The following ATL2 variants were observed in gnomAD, a reference collection of about 807,000 sequenced individuals.
ATL2 encodes atlastin GTPase 2.
A neutral mutation model predicts 73.9 loss-of-function variants in ATL2; 31 were observed. The observed-to-expected ratio is 0.42, with a 90% confidence interval of 0.32 to 0.57. ATL2 has a LOEUF of 0.57. Among genes scored for constraint, ATL2 ranks in the 20% least tolerant of loss-of-function variants. ATL2 has a pLI of 0.14. For synonymous variants in ATL2, 291 were observed against 237.5 expected, an observed-to-expected ratio of 1.23 and a Z score of -2.07; for missense variants, 738 against 702.6, an observed-to-expected ratio of 1.05 and a Z score of -0.57.
intron 1 of ATL2, among the ~76,000 whole-genome samples, chr2:38,364,672 G>A (rs950304132): frequency 6.6e-5 from 10 of 152,168 alleles, no homozygotes; most frequent in Admixed American, 2.0e-4. Flanking sequence ...TGTAGCACAC[G>A]GATCAAGAAT....
At chr2:38,362,854 C>G (rs1399127511) in intron 1 of ATL2, among the ~76,000 whole-genome samples, 1 of 152,178 alleles carries the variant, frequency 6.6e-6, no homozygotes, top group African/African-American at 2.4e-5. Context: ...CAGGAGTTGT[C>G]ATTGAAGACA....
At chr2:38,339,921 C>T (rs1205772710) in intron 2 of ATL2, among the ~76,000 whole-genome samples, 3 of 152,108 alleles carry the variant, frequency 2.0e-5, no homozygotes, top group Non-Finnish European at 4.4e-5. Flanking sequence ...GAACTCCTGA[C>T]CTCAGGTGAT....
intron 10 of ATL2, 114 bp downstream of exon 10, chr2:38,300,158 G>A (rs2148402856): frequency 2.2e-6 from 2 of 907,702 alleles, no homozygotes; most frequent in East Asian, 2.5e-5. Context: ...AGCAAAATGT[G>A]TTTGCATGCA....
intron 1 of ATL2, among the ~76,000 whole-genome samples, chr2:38,354,414 T>C (rs906166388): frequency 6.6e-6 from 1 of 152,094 alleles, no homozygotes; most frequent in Non-Finnish European, 1.5e-5. Flanking sequence ...TATGTAGAAG[T>C]ACAAAATTTT....
chr2:38,371,925 A>G (rs573401036), intron 1 of ATL2, among the ~76,000 whole-genome samples: 3 of 152,010 alleles, frequency 2.0e-5, no homozygotes, highest in Non-Finnish European at 4.4e-5. Flanking sequence ...AAAATAAAAC[A>G]TCATAGACCT....
chr2:38,366,694 T>C (rs1016979134), intron 1 of ATL2, among the ~76,000 whole-genome samples: 1 of 152,194 alleles, frequency 6.6e-6, no homozygotes, highest in African/African-American at 2.4e-5. Context: ...CTCACAAATA[T>C]GCATAAAGTC....
At chr2:38,331,343 G>A (rs1315378165) in intron 2 of ATL2, among the ~76,000 whole-genome samples, 1 of 151,470 alleles carries the variant, frequency 6.6e-6, no homozygotes, top group Non-Finnish European at 1.5e-5. Flanking sequence ...GGCGGAGGCA[G>A]GAGAATCACT....
chr2:38,342,143 A>C (rs1284848184), intron 2 of ATL2, among the ~76,000 whole-genome samples: 1 of 152,038 alleles, frequency 6.6e-6, no homozygotes, highest in Non-Finnish European at 1.5e-5. Flanking sequence ...CAGGAGAGAA[A>C]GTCAGAGTCA....
intron 2 of ATL2, among the ~76,000 whole-genome samples, chr2:38,337,939 G>A (rs570059865): frequency 3.7e-4 from 56 of 152,198 alleles, no homozygotes; most frequent in African/African-American, 1.2e-3. Context: ...CATCAATATC[G>A]TAAGCACTGT....
At chr2:38,326,813 C>T (rs984912844) in intron 2 of ATL2, among the ~76,000 whole-genome samples, 32 of 151,952 alleles carry the variant, frequency 2.1e-4, no homozygotes, top group African/African-American at 5.6e-4. Flanking sequence ...TACGGCAAAA[C>T]CCCATCTATA....
In ATL2 at chr2:38,295,000, G is replaced by C. The variant is rs1292266042; in HGVS notation, c.*994C>G. ...ACATTCCCATTGAATTCCCTTGGTG[G>C]GCGGGGGGGGGGTGAGATTGCAGTG... is the stretch of plus-strand genomic sequence containing the variant. On this transcript the variant is annotated 3_prime_UTR_variant, in exon 13 of 13. Transcript: ENST00000378954. 8.1e-6 allele frequency: 1 copy of C among 123,268 alleles called. No individual in the cohort carries two copies. The highest frequency in any genetic ancestry group is 1.7e-5 in the Non-Finnish European group (1 of 58,934). 7.6% of individuals were successfully genotyped at this position (123,268 alleles called of 1,614,324 possible).
At chr2:38,310,161 A>C (rs1433149704) in intron 8 of ATL2, 148 bp downstream of exon 8, 1 of 870,386 alleles carries the variant, frequency 1.1e-6, no homozygotes, top group Non-Finnish European at 1.7e-6. Flanking sequence ...CTAGAGAAAC[A>C]ACACAGAGCA....
At chr2:38,301,131 C>T (rs1188497828) in intron 9 of ATL2, among the ~76,000 whole-genome samples, 1 of 152,082 alleles carries the variant, frequency 6.6e-6, no homozygotes, top group Non-Finnish European at 1.5e-5. Context: ...CCACCACATC[C>T]AGCTAATTTC....
intron 2 of ATL2, among the ~76,000 whole-genome samples, chr2:38,337,486 C>CAAAA (rs755029194): frequency 0.017 from 376 of 21,700 alleles, 50 homozygotes; most frequent in South Asian, 0.026. Flanking sequence ...ACTCTGTCTC[C>CAAAA]AAAAAAAAAA....
intron 1 of ATL2, among the ~76,000 whole-genome samples, chr2:38,346,670 GCTC>G (rs1238034181): frequency 6.6e-6 from 1 of 152,144 alleles, no homozygotes; most frequent in African/African-American, 2.4e-5. Flanking sequence ...TAAGGTTCGC[GCTC>G]CTATGAGAAT....
intron 2 of ATL2, among the ~76,000 whole-genome samples, chr2:38,332,529 TG>T (rs1328697104): frequency 3.3e-5 from 5 of 152,130 alleles, no homozygotes; most frequent in Admixed American, 2.0e-4. Context: ...TTAAATTAAT[TG>T]GGGTAATAGT....
At chr2:38,298,893 G>C (rs980367876) in intron 11 of ATL2, among the ~76,000 whole-genome samples, 5 of 152,194 alleles carry the variant, frequency 3.3e-5, no homozygotes, top group African/African-American at 1.2e-4. Flanking sequence ...ACGGGTAAAA[G>C]ATGATAATGC....
At chr2:38,345,931 G>C (rs952902765) in intron 1 of ATL2, among the ~76,000 whole-genome samples, 6 of 152,230 alleles carry the variant, frequency 3.9e-5, no homozygotes, top group Non-Finnish European at 8.8e-5. Flanking sequence ...GTTGAAATAT[G>C]TATGCTACGC....
chr2:38,340,068 T>A, intron 2 of ATL2, among the ~76,000 whole-genome samples: 1 of 148,256 alleles, frequency 6.7e-6, no homozygotes, highest in East Asian at 2.0e-4. Context: ...GTTAACAAAA[T>A]AAGCCAAACA....
Sources: allele counts gnomAD v4.1 joint callset (sites outside exome capture counted in the v4.1 genomes callset), GRCh38; gene constraint gnomAD v4.1.1; transcripts MANE v1.5; gene names NCBI Gene and HGNC (gene_info 2026-07-23, HGNC 2026-07-21).